The following MYOF variants were observed in gnomAD, a reference collection of about 807,000 sequenced individuals.
MYOF encodes fer-1-like 3, myoferlin.
MYOF carries 244 observed loss-of-function variants against 284.2 expected under a neutral mutation model. The ratio of observed to expected loss-of-function variants is 0.86; its 90% CI spans 0.77 to 0.95. MYOF has a LOEUF of 0.95. MYOF is among the 40% of genes least tolerant of loss of function. MYOF has a pLI of 0.00. For missense variants in MYOF, 2,496 were observed against 2,560.6 expected, an observed-to-expected ratio of 0.97 and a Z score of 0.54; for synonymous variants, 904 against 919.7, an observed-to-expected ratio of 0.98 and a Z score of 0.31.
chr10:93,394,446 G>GTTT (rs1411982961), intron 16 of MYOF, among the ~76,000 whole-genome samples: 3 of 33,484 alleles, frequency 9.0e-5, no homozygotes, highest in Non-Finnish European at 2.0e-4. Flanking sequence ...TCACCATCTT[G>GTTT]TCTTTTTTTT....
At chr10:93,407,423 C>CAAAA (rs144461915) in intron 7 of MYOF, among the ~76,000 whole-genome samples, 28 of 38,100 alleles carry the variant, frequency 7.3e-4, no homozygotes, top group African/African-American at 1.4e-3. Flanking sequence ...GACTCTGTCT[C>CAAAA]AAAAAAAAAA....
intron 1 of MYOF, among the ~76,000 whole-genome samples, chr10:93,460,782 A>G (rs10882236): frequency 0.077 from 10,753 of 139,944 alleles, 710 homozygotes; most frequent in African/African-American, 0.14. Context: ...AAAAAAAAAA[A>G]AAAGAAAGAA....
intron 4 of MYOF, among the ~76,000 whole-genome samples, chr10:93,428,076 C>T (rs1848674422): frequency 6.6e-6 from 1 of 151,936 alleles, no homozygotes; most frequent in South Asian, 2.1e-4. Context: ...AAGGATGGCA[C>T]ACACGTACAC....
chr10:93,389,980 C>T (rs1241141273), intron 17 of MYOF, among the ~76,000 whole-genome samples: 2 of 152,276 alleles, frequency 1.3e-5, no homozygotes, highest in East Asian at 3.9e-4. Flanking sequence ...CTGTATAAGG[C>T]AGAACTTTCT....
At chr10:93,315,442 A>C (rs787675) in intron 50 of MYOF, among the ~76,000 whole-genome samples, 1 of 151,888 alleles carries the variant, frequency 6.6e-6, no homozygotes, top group Non-Finnish European at 1.5e-5. Flanking sequence ...GAGGAAAACC[A>C]CAGAGGACTC....
intron 4 of MYOF, among the ~76,000 whole-genome samples, chr10:93,428,295 G>A (rs991405777): frequency 9.9e-5 from 15 of 151,328 alleles, no homozygotes; most frequent in African/African-American, 2.9e-4. Context: ...CTCACACCCG[G>A]GTTCCAGTGA....
At chr10:93,410,892 T>A (rs1414205007) in intron 5 of MYOF, among the ~76,000 whole-genome samples, 1 of 152,206 alleles carries the variant, frequency 6.6e-6, no homozygotes, top group Non-Finnish European at 1.5e-5. Flanking sequence ...GTAGCATAGC[T>A]CTTGAAATCT....
chr10:93,440,733 T>A (rs1409187648), intron 3 of MYOF, among the ~76,000 whole-genome samples: 1 of 152,166 alleles, frequency 6.6e-6, no homozygotes, highest in East Asian at 1.9e-4. Flanking sequence ...AGGTTGTAAA[T>A]CTTCCTGTCC....
intron 3 of MYOF, among the ~76,000 whole-genome samples, chr10:93,446,338 T>A (rs1373254815): frequency 1.3e-5 from 2 of 152,226 alleles, no homozygotes; most frequent in Admixed American, 1.3e-4. Context: ...CTCCTTCAAG[T>A]AAGTCACTGA....
chr10:93,362,395 C>A (rs1420873908), intron 27 of MYOF, among the ~76,000 whole-genome samples: 1 of 152,082 alleles, frequency 6.6e-6, no homozygotes, highest in Non-Finnish European at 1.5e-5. Context: ...CAGGCACCTG[C>A]CACCACACTT....
intron 25 of MYOF, among the ~76,000 whole-genome samples, chr10:93,366,911 C>T (rs1845350003): frequency 7.1e-6 from 1 of 140,508 alleles, no homozygotes; most frequent in Non-Finnish European, 1.7e-5. Flanking sequence ...AGATAGTTCG[C>T]GAACCTTATC....
intron 36 of MYOF, among the ~76,000 whole-genome samples, chr10:93,348,413 T>C (rs1329859371): frequency 6.6e-6 from 1 of 152,196 alleles, no homozygotes; most frequent in Admixed American, 6.5e-5. Context: ...CAATGCCTGA[T>C]TGGGGAATCA....
chr10:93,342,680 G>A lies in MYOF; in HGVS notation c.4326+1176C>T, dbSNP rs1843977537. The stretch of plus-strand genomic sequence containing the variant: ...TTCTCCTGTTCCTCAGTTGTTCTTA[G>A]GGCTACTGAGTACACTGAAGGCATG... On this transcript the variant is annotated intron_variant, in intron 38 of 53. Coordinates refer to ENST00000359263, the MANE Select transcript of MYOF (RefSeq NM_013451.4). Among the ~76,000 whole-genome samples, 7 of 152,232 alleles carry A rather than the reference G, an allele frequency of 4.6e-5. 1 individual carries two copies. In the South Asian group the frequency reaches 1.5e-3, roughly 32 times the overall value.
At chr10:93,392,680 G>A (rs567273725) in intron 17 of MYOF, among the ~76,000 whole-genome samples, 1 of 152,256 alleles carries the variant, frequency 6.6e-6, no homozygotes, top group African/African-American at 2.4e-5. Flanking sequence ...AGCCAAATAC[G>A]ATGGTGTGCA....
intron 18 of MYOF, 145 bp downstream of exon 18, chr10:93,388,885 G>T: frequency 9.2e-7 from 1 of 1,091,506 alleles, no homozygotes. Flanking sequence ...CCAGTGAGAT[G>T]ATCTCCACAG....
chr10:93,388,009 C>T, intron 18 of MYOF, 96 bp from the exon 19 acceptor site: 1 of 911,184 alleles, frequency 1.1e-6, no homozygotes, highest in Non-Finnish European at 1.8e-6. Flanking sequence ...AAAAGTTTCT[C>T]CTTCCCATGG....
At chr10:93,401,612 C>T (rs1486937208) in intron 11 of MYOF, 68 bp from the exon 12 acceptor site, 6 of 1,567,852 alleles carry the variant, frequency 3.8e-6, no homozygotes, top group Admixed American at 3.5e-5. Context: ...CAAATTAATG[C>T]TTATAAAATG....
chr10:93,444,519 C>T (rs777854076), intron 3 of MYOF, among the ~76,000 whole-genome samples: 26 of 152,218 alleles, frequency 1.7e-4, no homozygotes, highest in Non-Finnish European at 3.4e-4. Context: ...CCCATTCTTA[C>T]ACTCACATGA....
Position 93,408,906 on chromosome 10 carries a change from G to A in MYOF, c.610C>T (p.Arg204Ter), listed in dbSNP as rs370504948. ...CTTAACTGTCGGCCCTCAATCACTC[G>A]GACGCGGATCTGCAGCACAGAAGGG... is the stretch of plus-strand genomic sequence containing the variant. ...NKPQDFQIRV[R>*]VIEGRQLSGN... The change falls in exon 7 of 54, where the codon CGA becomes TGA. Residue 204 changes from arginine (R) to a stop codon, truncating the protein, a stop_gained. Coordinates refer to ENST00000359263, the MANE Select transcript of MYOF (RefSeq NM_013451.4). LOFTEE classifies it high-confidence loss of function. 3.0e-5 allele frequency: 49 copies of A among 1,614,038 alleles called. No homozygotes were observed. Among genetic ancestry groups the A allele is most frequent in the Admixed American group, 2.8e-4 (17 of 59,996 alleles).
Sources: gnomAD v4.1 joint callset for allele counts (sites outside exome capture counted in the v4.1 genomes callset) on GRCh38, gnomAD v4.1.1 for gene constraint, MANE v1.5 for transcripts, NCBI Gene and HGNC (gene_info 2026-07-23, HGNC 2026-07-21) for gene names.